IQGAP1: variants seen among roughly 807,000 people sequenced by gnomAD.
IQGAP1 encodes ras GTPase-activating-like protein IQGAP1.
IQGAP1 carries 66 observed loss-of-function variants against 215.6 expected under a neutral mutation model. That is an observed-to-expected ratio of 0.31 (90% CI 0.25 to 0.38). IQGAP1 has a LOEUF of 0.38. IQGAP1 is among the 10% of genes least tolerant of loss of function. IQGAP1 has a pLI of 1.00. For missense variants in IQGAP1, 1,712 were observed against 1,997.1 expected, an observed-to-expected ratio of 0.86 and a Z score of 2.72; for synonymous variants, 772 against 728.7, an observed-to-expected ratio of 1.06 and a Z score of -0.96.
At chr15:90,489,289 G>A (rs1966171727) in intron 33 of IQGAP1, among the ~76,000 whole-genome samples, 2 of 151,900 alleles carry the variant, frequency 1.3e-5, no homozygotes, top group Non-Finnish European at 2.9e-5. Context: ...CACCACACCT[G>A]GCTAATTTTT....
chr15:90,410,974 C>T (rs1487860117), intron 2 of IQGAP1, among the ~76,000 whole-genome samples: 3 of 152,018 alleles, frequency 2.0e-5, no homozygotes, highest in Non-Finnish European at 2.9e-5. Flanking sequence ...AGTACTTAAT[C>T]TCTGCAGCAT....
At chr15:90,443,248 ACT>A in intron 8 of IQGAP1, 144 bp from the exon 9 acceptor site, 1 of 515,504 alleles carries the variant, frequency 1.9e-6, no homozygotes, top group South Asian at 3.4e-5. Context: ...GGCATGAGTT[ACT>A]GTGCCTGCTT....
At chr15:90,411,200 T>A (rs899543955) in intron 2 of IQGAP1, among the ~76,000 whole-genome samples, 5 of 152,178 alleles carry the variant, frequency 3.3e-5, no homozygotes, top group Non-Finnish European at 7.4e-5. Flanking sequence ...TCATGTATCT[T>A]TATTATAACT....
chr15:90,439,440 T>C, intron 6 of IQGAP1, 41 bp downstream of exon 6: 1 of 1,537,680 alleles, frequency 6.5e-7, no homozygotes, highest in Non-Finnish European at 9.0e-7. Context: ...TTGAATTATG[T>C]GGAAATAGCC....
At position 90,466,373 on chromosome 15, in the gene IQGAP1, C is replaced by G. The variant is rs1965831146; in HGVS notation, c.1972C>G (p.Pro658Ala). 6.2e-7 allele frequency: 1 copy of G among 1,613,918 alleles called. No individual in the cohort carries two copies. The highest frequency in any genetic ancestry group is 1.3e-5 in the African/African-American group (1 of 74,854). The change falls in exon 17 of 38, where the codon CCT (proline) becomes GCT (alanine). Residue 658 changes from proline (P) to alanine (A), a missense_variant. Physicochemically the swap from Pro to Ala is conservative, Grantham distance 27. Transcript: ENST00000268182. ...TGATGTTGGCTTGTATGGAGTCATC[C>G]CTGAGTGTGGTGAAACTTACCACAG... is the stretch of plus-strand genomic sequence containing the variant. Reference protein sequence around the residue: ...SPDVGLYGVIPECGETYHSDL... With the variant: ...SPDVGLYGVIAECGETYHSDL...
rs753225714 is a variant in IQGAP1, at chr15:90,388,329, G to T, written c.-13G>T. ...TTCACGGCTTCCTCAGCAGAGACTCGGGCTCGTCCGCCATGTCCGCCGCAG... is the reference window on the plus strand; with the variant it reads ...TTCACGGCTTCCTCAGCAGAGACTCTGGCTCGTCCGCCATGTCCGCCGCAG... On this transcript the variant is annotated 5_prime_UTR_variant, in exon 1 of 38. Transcript: ENST00000268182. The T allele has an allele frequency of 1.0e-4, 165 of 1,595,808 alleles. No individual in the cohort carries two copies. The South Asian group carries it at 1.8e-3, about 17-fold the overall frequency.
rs1286033903 is a variant in IQGAP1, at chr15:90,475,081, C to T, written c.2784+388C>T. On this transcript the variant is annotated intron_variant, in intron 23 of 37. Coordinates refer to ENST00000268182, the MANE Select transcript of IQGAP1 (RefSeq NM_003870.4). ...GTGGCGTGATCTCGGCTCACTGCAA[C>T]CTCTGCCTCGCAGGTTCAGCGATTC... Among the ~76,000 whole-genome samples, 5 of 147,556 alleles carry T rather than the reference C, an allele frequency of 3.4e-5. No homozygotes were observed. In the East Asian group the frequency reaches 1.1e-3, roughly 31 times the overall value.
At chr15:90,397,561 G>A (rs1304870696) in intron 2 of IQGAP1, among the ~76,000 whole-genome samples, 1 of 139,434 alleles carries the variant, frequency 7.2e-6, no homozygotes, top group African/African-American at 2.8e-5. Flanking sequence ...CTGTCGCCCA[G>A]GCTGGAGTGC....
rs963980460 is a variant in IQGAP1, at chr15:90,388,270, G to T, written c.-72G>T. ...CCCGGCAAGCCCGCGCACTTGGCAG[G>T]AGCTGTAGCTACCGCCGTCCGCGCC... On this transcript the variant is annotated 5_prime_UTR_variant, in exon 1 of 38. Transcript: ENST00000268182. 1 of 1,539,222 alleles carries T rather than the reference G, an allele frequency of 6.5e-7. No individual in the cohort carries two copies. The highest frequency in any genetic ancestry group is 8.9e-7 in the Non-Finnish European group (1 of 1,129,798).
In IQGAP1 at chr15:90,484,222, G is replaced by A. The variant is rs1187055166; in HGVS notation, c.3791G>A (p.Arg1264Gln). The A allele has an allele frequency of 1.2e-6, 2 of 1,612,764 alleles. No homozygotes were observed. The highest frequency in any genetic ancestry group is 1.7e-5 in the Admixed American group (1 of 59,774). The change falls in exon 30 of 38, where the codon CGG becomes CAG. Residue 1264 changes from arginine (R) to glutamine (Q), a missense_variant and splice_region_variant. Physicochemically the swap from Arg to Gln is conservative, Grantham distance 43 (BLOSUM62 1). Coordinates refer to ENST00000268182, the MANE Select transcript of IQGAP1 (RefSeq NM_003870.4). ...YLSQSYQKFR[R>Q]FFQTACDVPE... ...GCTGCCTCCTGTGCTTATTTCAGACGGTTTTTCCAAACTGCTTGTGATGTC... is the reference window on the plus strand; with the variant it reads ...GCTGCCTCCTGTGCTTATTTCAGACAGTTTTTCCAAACTGCTTGTGATGTC...
rs766453620 is a variant in IQGAP1, at chr15:90,441,585, G to A, written c.729G>A (p.Pro243=). Residue 243 remains proline (P), a synonymous_variant, in exon 8 of 38, where the codon CCG becomes CCA. Coordinates refer to ENST00000268182, the MANE Select transcript of IQGAP1 (RefSeq NM_003870.4). Reference sequence around the variant, plus strand: ...ACACATTTGCAGCTTTGAAAAATCCGAATGCCATGCTTGTAAATCTTGAAG... The same window carrying A: ...ACACATTTGCAGCTTTGAAAAATCCAAATGCCATGCTTGTAAATCTTGAAG... The part of the protein sequence containing the change: ...PADTFAALKN[P]NAMLVNLEEP... The A allele has an allele frequency of 4.6e-5, 75 of 1,613,550 alleles. No homozygotes were observed. The highest frequency in any genetic ancestry group is 1.8e-4 in the Admixed American group (11 of 59,978).
At chr15:90,452,959 C>T (rs1282194740) in intron 12 of IQGAP1, 21 bp downstream of exon 12, 1 of 1,611,744 alleles carries the variant, frequency 6.2e-7, no homozygotes, top group Non-Finnish European at 8.5e-7. Flanking sequence ...TAAACCTGTC[C>T]TGTTTGTGAG....
chr15:90,456,079 C>A, intron 14 of IQGAP1, 73 bp from the exon 15 acceptor site: 1 of 1,274,562 alleles, frequency 7.8e-7, no homozygotes, highest in Non-Finnish European at 1.1e-6. Flanking sequence ...GATTAGTTAG[C>A]ATGTTCCATG....
chr15:90,474,186 G>A (rs955536751), intron 22 of IQGAP1, 53 bp downstream of exon 22: 6 of 1,477,438 alleles, frequency 4.1e-6, no homozygotes, highest in Non-Finnish European at 5.6e-6. Flanking sequence ...GAGCCACCAA[G>A]TTCAGGGTAT....
intron 4 of IQGAP1, 21 bp downstream of exon 4, chr15:90,429,687 G>A (rs566456260): frequency 6.6e-7 from 1 of 1,517,498 alleles, no homozygotes; most frequent in South Asian, 1.2e-5. Context: ...TGAGATAATA[G>A]TTTAGGCTTT....
chr15:90,437,687 C>A (rs956012217), intron 5 of IQGAP1, among the ~76,000 whole-genome samples: 2 of 152,006 alleles, frequency 1.3e-5, no homozygotes, highest in Non-Finnish European at 2.9e-5. Flanking sequence ...TACAGGCATG[C>A]ACCACCATAC....
At chr15:90,410,641 A>G (rs1964947448) in intron 2 of IQGAP1, among the ~76,000 whole-genome samples, 1 of 149,106 alleles carries the variant, frequency 6.7e-6, no homozygotes, top group African/African-American at 2.5e-5. Context: ...AACAATGAAA[A>G]CACATGGACA....
intron 15 of IQGAP1, among the ~76,000 whole-genome samples, chr15:90,456,958 T>G: frequency 7.7e-6 from 1 of 129,702 alleles, no homozygotes; most frequent in Non-Finnish European, 1.6e-5. Flanking sequence ...ATAATATACG[T>G]ATATATACAT....
At chr15:90,484,762 G>T (rs1966104354) in intron 30 of IQGAP1, among the ~76,000 whole-genome samples, 1 of 152,028 alleles carries the variant, frequency 6.6e-6, no homozygotes, top group East Asian at 1.9e-4. Context: ...GCCCACCTCG[G>T]CCCCCAAAAG....
Sources: gnomAD v4.1 joint callset for allele counts (sites outside exome capture counted in the v4.1 genomes callset) on GRCh38, gnomAD v4.1.1 for gene constraint, MANE v1.5 for transcripts, NCBI Gene and HGNC (gene_info 2026-07-23, HGNC 2026-07-21) for gene names.